ARHGAP24: variants seen among roughly 807,000 people sequenced by gnomAD.
ARHGAP24 encodes Rho GTPase activating protein 24, also known as rho GTPase-activating protein 24.
A neutral mutation model predicts 76.4 loss-of-function variants in ARHGAP24; 50 were observed. The observed-to-expected ratio is 0.65, with a 90% CI of 0.52 to 0.83. ARHGAP24 has a LOEUF of 0.83. ARHGAP24 is among the 40% of genes least tolerant of loss of function. The pLI is 0.00. For missense variants in ARHGAP24, 930 were observed against 914.2 expected (o/e 1.02, Z -0.22); for synonymous variants, 345 against 323.3 (o/e 1.07, Z -0.72).
intron 2 of ARHGAP24, among the ~76,000 whole-genome samples, chr4:85,587,379 A>G (rs1398501108): frequency 1.3e-5 from 2 of 152,238 alleles, no homozygotes; most frequent in Non-Finnish European, 2.9e-5. Flanking sequence ...CCCCTGTGCT[A>G]TAATAGTTAG....
chr4:85,726,682 A>G (rs1560603829), intron 3 of ARHGAP24, among the ~76,000 whole-genome samples: 2 of 152,168 alleles, frequency 1.3e-5, no homozygotes, highest in African/African-American at 4.8e-5. Context: ...TAGAGAGAGT[A>G]CTACAGTATC....
At chr4:85,679,559 A>T (rs189077520) in intron 2 of ARHGAP24, among the ~76,000 whole-genome samples, 1 of 152,112 alleles carries the variant, frequency 6.6e-6, no homozygotes, top group Non-Finnish European at 1.5e-5. Context: ...TCTGGCCCTC[A>T]GTCCATTAAT....
At chr4:85,763,159 T>C (rs563958939) in intron 3 of ARHGAP24, among the ~76,000 whole-genome samples, 4 of 152,228 alleles carry the variant, frequency 2.6e-5, no homozygotes, top group Non-Finnish European at 4.4e-5. Context: ...TAATTTGGTG[T>C]TGTTATTTAA....
intron 5 of ARHGAP24, among the ~76,000 whole-genome samples, chr4:85,955,544 C>T (rs1458434643): frequency 2.6e-5 from 4 of 152,284 alleles, no homozygotes; most frequent in African/African-American, 7.2e-5. Flanking sequence ...CAACCCTTGT[C>T]GTTCCTTGGC....
In ARHGAP24 at chr4:85,974,909, C is replaced by A. The variant is rs751784224; in HGVS notation, c.754C>A (p.Gln252Lys). 3 of 1,613,780 alleles carry A rather than the reference C, an allele frequency of 1.9e-6. No homozygotes were observed. Among genetic ancestry groups the A allele is most frequent in the Non-Finnish European group, 2.5e-6 (3 of 1,179,828 alleles). The change falls in exon 7 of 10, where the codon CAG (glutamine) becomes AAG (lysine). Residue 252 changes from glutamine to lysine, a missense_variant. Physicochemically the swap from Gln to Lys is moderately conservative, Grantham distance 53. Coordinates refer to ENST00000395184, the MANE Select transcript of ARHGAP24 (RefSeq NM_001025616.3). ...EEAGVKELAKQVKSLPVVNYN... is the reference protein window; with the variant it reads ...EEAGVKELAKKVKSLPVVNYN... ...TCAGGGTGTTAAGGAATTAGCAAAG[C>A]AGGTGAAGAGTTTGCCAGTGGTAAA... is the stretch of plus-strand genomic sequence containing the variant.
At chr4:85,611,814 T>C (rs548818214) in intron 2 of ARHGAP24, among the ~76,000 whole-genome samples, 2 of 152,284 alleles carry the variant, frequency 1.3e-5, no homozygotes, top group South Asian at 4.1e-4. Context: ...GCAAGAAAAA[T>C]GTGAGTACAT....
In ARHGAP24 at chr4:85,942,198, G is replaced by A. The variant is rs771915645; in HGVS notation, c.524G>A (p.Arg175Gln). The A allele has an allele frequency of 6.2e-7, 1 of 1,614,072 alleles. No individual in the cohort carries two copies. Among genetic ancestry groups the A allele is most frequent in the Non-Finnish European group, 8.5e-7 (1 of 1,179,996 alleles). ...QRGLKEEGLF[R>Q]LPGQANLVKE... is the part of the protein sequence containing the mutation. ...GGGCTGAAAGAAGAGGGTCTCTTTC[G>A]ACTGCCAGGCCAGGCTAATCTTGTT... Residue 175 changes from arginine (R) to glutamine (Q), a missense_variant, in exon 5 of 10, where the codon CGA becomes CAA. Arg to Gln is a conservative substitution (Grantham distance 43). Transcript: ENST00000395184.
intron 1 of ARHGAP24, among the ~76,000 whole-genome samples, chr4:85,500,930 C>A (rs865824077): frequency 1.4e-3 from 206 of 142,080 alleles, no homozygotes; most frequent in African/African-American, 5.2e-3. Flanking sequence ...TCCAAGTGTT[C>A]TCATTGTTCA....
intron 2 of ARHGAP24, among the ~76,000 whole-genome samples, chr4:85,598,338 C>T (rs1374092926): frequency 6.6e-6 from 1 of 152,024 alleles, no homozygotes; most frequent in African/African-American, 2.4e-5. Context: ...ATTCTAATTA[C>T]TCATTACATT....
chr4:85,568,917 A>G (rs1196662864), intron 1 of ARHGAP24, among the ~76,000 whole-genome samples: 1 of 152,238 alleles, frequency 6.6e-6, no homozygotes, highest in South Asian at 2.1e-4. Flanking sequence ...TTCTGCAAAG[A>G]TGGTTGAAGT....
intron 2 of ARHGAP24, among the ~76,000 whole-genome samples, chr4:85,706,437 A>G (rs1210550349): frequency 6.6e-6 from 1 of 152,176 alleles, no homozygotes; most frequent in East Asian, 1.9e-4. Flanking sequence ...GTCCACTTTT[A>G]TATCAACATT....
At chr4:85,880,410 C>G (rs1386698356) in intron 3 of ARHGAP24, among the ~76,000 whole-genome samples, 1 of 152,096 alleles carries the variant, frequency 6.6e-6, no homozygotes, top group Non-Finnish European at 1.5e-5. Flanking sequence ...TCAGGGGATC[C>G]CTTGCTGGTA....
At position 85,614,085 on chromosome 4, in the gene ARHGAP24, A is replaced by C. The variant is rs1720475078; in HGVS notation, c.180+43364A>C. On this transcript the variant is annotated intron_variant, in intron 2 of 9. Transcript: ENST00000395184. The stretch of plus-strand genomic sequence containing the variant: ...AGCATGCAATTCTTTTCTTTAGAAA[A>C]CTTTATTGGCAAAAAATGATGATCA... 3.3e-5 allele frequency among the ~76,000 whole-genome samples: 5 copies of C among 152,308 alleles called. No homozygotes were observed. In the South Asian group the frequency reaches 1.0e-3, roughly 32 times the overall value.
chr4:85,678,484 A>C (rs2128187), intron 2 of ARHGAP24, among the ~76,000 whole-genome samples: 137,470 of 152,210 alleles, frequency 0.9, 62,270 homozygotes, highest in East Asian at 0.98. Flanking sequence ...TAGTACTTTC[A>C]AAAAGAATTT....
intron 1 of ARHGAP24, among the ~76,000 whole-genome samples, chr4:85,529,436 C>T (rs1220117013): frequency 2.0e-5 from 3 of 151,994 alleles, no homozygotes; most frequent in South Asian, 2.1e-4. Flanking sequence ...TGAAACCTGT[C>T]GGAGAACCTA....
chr4:85,954,532 C>G (rs1401227990), intron 5 of ARHGAP24, among the ~76,000 whole-genome samples: 21 of 152,220 alleles, frequency 1.4e-4, no homozygotes, highest in Non-Finnish European at 3.1e-4. Flanking sequence ...AAGAGAATAT[C>G]CTAATACCTA....
chr4:85,618,262 G>C (rs919704862), intron 2 of ARHGAP24, among the ~76,000 whole-genome samples: 1 of 152,078 alleles, frequency 6.6e-6, no homozygotes, highest in Non-Finnish European at 1.5e-5. Context: ...ACTGTTCCTA[G>C]AGTATCTCAC....
intron 2 of ARHGAP24, among the ~76,000 whole-genome samples, chr4:85,573,248 T>C (rs1473204235): frequency 6.6e-6 from 1 of 152,164 alleles, no homozygotes; most frequent in Non-Finnish European, 1.5e-5. Context: ...AATTTTAACA[T>C]TGAGCTTTTT....
chr4:85,547,521 G>T (rs1370953363), intron 1 of ARHGAP24, among the ~76,000 whole-genome samples: 5 of 151,746 alleles, frequency 3.3e-5, no homozygotes, highest in African/African-American at 9.7e-5. Flanking sequence ...CTGTAGTCTC[G>T]ACCTCCCAGG....
Sources: gnomAD v4.1 joint callset for allele counts (sites outside exome capture counted in the v4.1 genomes callset) on GRCh38, gnomAD v4.1.1 for gene constraint, MANE v1.5 for transcripts, NCBI Gene and HGNC (gene_info 2026-07-23, HGNC 2026-07-21) for gene names.